The following ADAM19 variants were observed in gnomAD, a reference collection of about 807,000 sequenced individuals.
ADAM19 encodes the protein disintegrin and metalloproteinase domain-containing protein 19.
A neutral mutation model predicts 114.7 loss-of-function variants in ADAM19; 65 were observed. That is an observed-to-expected ratio of 0.57 (90% confidence interval 0.46 to 0.70). The LOEUF (loss-of-function observed/expected upper bound fraction) is 0.70. Among genes scored for constraint, ADAM19 ranks in the 30% least tolerant of loss-of-function variants. The probability of loss-of-function intolerance (pLI) is 0.00; values close to 1 mark genes in which losing one functional copy is unlikely to be tolerated. For missense variants in ADAM19, 1,063 were observed against 1,204.7 expected (o/e 0.88, Z 1.74); for synonymous variants, 466 against 460.5 (o/e 1.01, Z -0.15).
At position 157,489,156 on chromosome 5, in the gene ADAM19, C is replaced by T. The variant is rs952076381; in HGVS notation, c.2271G>A (p.Gly757=). ...TGAAAGTTGGGTTGGCATGACCAGT[C>T]CCGCTGTTCTGAGAAACCCTGAAGG... is the stretch of plus-strand genomic sequence containing the variant. ...SCPFRVSQNS[G]TGHANPTFKL... Residue 757 remains glycine (G), a synonymous_variant, in exon 20 of 23, where the codon GGG becomes GGA. Transcript: ENST00000257527. 1 of 1,614,088 alleles carries T rather than the reference C, an allele frequency of 6.2e-7. No homozygotes were observed. Among genetic ancestry groups the T allele is most frequent in the Non-Finnish European group, 8.5e-7 (1 of 1,179,952 alleles).
intron 2 of ADAM19, chr5:157,570,382 C>G (rs1757788577): frequency 6.6e-6 from 1 of 152,362 alleles, no homozygotes; most frequent in Admixed American, 6.5e-5. Flanking sequence ...TGTTTTCTTC[C>G]CAATCTCTTT....
Position 157,479,651 on chromosome 5 carries a change from G to A in ADAM19, c.*1298C>T. 2 of 986,010 alleles carry A rather than the reference G, an allele frequency of 2.0e-6. No individual in the cohort carries two copies. Among genetic ancestry groups the A allele is most frequent in the Non-Finnish European group, 2.4e-6 (2 of 830,084 alleles). 61.1% of individuals were successfully genotyped at this position (986,010 alleles called of 1,614,324 possible). A position where few individuals can be genotyped will look rare whatever the true frequency, so the allele number is the denominator to read the frequency against. On this transcript the variant is annotated 3_prime_UTR_variant, in exon 23 of 23. Coordinates refer to ENST00000257527, the MANE Select transcript of ADAM19 (RefSeq NM_033274.5). The stretch of plus-strand genomic sequence containing the variant: ...GAGGGTCAGGTAAGGGCAGTGACCA[G>A]AGAGAGAACAAAAGGAAGTGAATGA...
intron 3 of ADAM19, among the ~76,000 whole-genome samples, chr5:157,562,125 G>C (rs1757526042): frequency 6.6e-6 from 1 of 152,136 alleles, no homozygotes. Context: ...TGAATGAGAA[G>C]GCTTTGGGAA....
At chr5:157,547,289 G>A (rs2113774300) in intron 3 of ADAM19, among the ~76,000 whole-genome samples, 1 of 152,254 alleles carries the variant, frequency 6.6e-6, no homozygotes, top group East Asian at 1.9e-4. Flanking sequence ...AAAACTCCAG[G>A]GACAGACACC....
chr5:157,548,391 T>C (rs1757104490), intron 3 of ADAM19, among the ~76,000 whole-genome samples: 1 of 152,216 alleles, frequency 6.6e-6, no homozygotes, highest in Admixed American at 6.5e-5. Context: ...GCCTGCCACA[T>C]AGTTGGCACT....
chr5:157,500,908 C>T (rs1196505465), intron 12 of ADAM19, among the ~76,000 whole-genome samples: 1 of 152,188 alleles, frequency 6.6e-6, no homozygotes, highest in Non-Finnish European at 1.5e-5. Context: ...TATGAGGCAG[C>T]CTTGACCCCA....
At chr5:157,545,164 A>C (rs1474584295) in intron 3 of ADAM19, among the ~76,000 whole-genome samples, 1 of 152,232 alleles carries the variant, frequency 6.6e-6, no homozygotes, top group African/African-American at 2.4e-5. Flanking sequence ...TAGCATACTA[A>C]GACACAGACC....
chr5:157,571,079 T>C, intron 1 of ADAM19, 99 bp from the exon 2 acceptor site: 1 of 961,060 alleles, frequency 1.0e-6, no homozygotes, highest in Non-Finnish European at 1.6e-6. Context: ...ACTGGGTCAT[T>C]AGAAGACTTG....
chr5:157,532,903 C>T (rs1756664412), intron 4 of ADAM19, among the ~76,000 whole-genome samples: 1 of 152,224 alleles, frequency 6.6e-6, no homozygotes, highest in Non-Finnish European at 1.5e-5. Flanking sequence ...GTGTCTTTAG[C>T]CTCTGTACCC....
chr5:157,575,629 C>T lies in ADAM19; in HGVS notation c.68G>A (p.Arg23Gln). The change falls in exon 1 of 23, where the codon CGG becomes CAG. Residue 23 changes from arginine (R) to glutamine (Q), a missense_variant. Arg to Gln is a conservative substitution (Grantham distance 43). Transcript: ENST00000257527. ...TGTCCATCCAGGCTCCCGCGCCGCC[C>T]GCGGCCGGAGGGGCTGCAGGGCAAA... ...LAFALQPLRP[R>Q]AAREPGWTRG... is the part of the protein sequence containing the mutation. The T allele has an allele frequency of 1.4e-6, 2 of 1,442,492 alleles. No individual in the cohort carries two copies. The highest frequency in any genetic ancestry group is 1.8e-6 in the Non-Finnish European group (2 of 1,104,056). 89.4% of individuals were successfully genotyped at this position (1,442,492 alleles called of 1,614,324 possible).
intron 11 of ADAM19, among the ~76,000 whole-genome samples, chr5:157,504,301 A>T (rs1755666814): frequency 2.0e-5 from 3 of 152,158 alleles, no homozygotes; most frequent in Admixed American, 1.3e-4. Context: ...TGAAGGCTGG[A>T]GTGCAGTGGC....
At chr5:157,544,357 T>C (rs1756995613) in intron 3 of ADAM19, among the ~76,000 whole-genome samples, 1 of 152,126 alleles carries the variant, frequency 6.6e-6, no homozygotes, top group Non-Finnish European at 1.5e-5. Flanking sequence ...AAGTCAACAC[T>C]CCCTTTCACC....
intron 3 of ADAM19, among the ~76,000 whole-genome samples, chr5:157,538,229 G>T (rs1485787988): frequency 1.3e-5 from 2 of 152,090 alleles, no homozygotes; most frequent in Admixed American, 1.3e-4. Flanking sequence ...ACTCCAACTA[G>T]ATGGAATTGA....
rs763134049 is a variant in ADAM19, at chr5:157,489,120, C to G, written c.2307G>C (p.Thr769=). The change falls in exon 20 of 23, where the codon ACG becomes ACC. Residue 769 remains threonine (T), a synonymous_variant. Transcript: ENST00000257527. ...GHANPTFKLQ[T]PQGKRKVINT... ...CTCTTACCTTTCGCTTGCCCTGGGG[C>G]GTCTGCAGCTTGAAAGTTGGGTTGG... 1 of 1,613,974 alleles carries G rather than the reference C, an allele frequency of 6.2e-7. No homozygotes were observed. Among genetic ancestry groups the G allele is most frequent in the Non-Finnish European group, 8.5e-7 (1 of 1,179,940 alleles).
chr5:157,571,091 T>C (rs761064059), intron 1 of ADAM19, 111 bp from the exon 2 acceptor site: 27 of 861,588 alleles, frequency 3.1e-5, no homozygotes, highest in Non-Finnish European at 4.5e-5. Flanking sequence ...GAAGACTTGC[T>C]GGATTTCAGG....
intron 4 of ADAM19, among the ~76,000 whole-genome samples, chr5:157,532,423 A>C (rs1283711021): frequency 2.6e-5 from 4 of 152,234 alleles, no homozygotes; most frequent in Non-Finnish European, 4.4e-5. Flanking sequence ...TAGGAAGCAA[A>C]TACGCACTGT....
chr5:157,570,833 T>C, intron 2 of ADAM19, 62 bp downstream of exon 2: 1 of 1,408,620 alleles, frequency 7.1e-7, no homozygotes, highest in Non-Finnish European at 1.0e-6. Context: ...GAAAGTTGAG[T>C]AGGTAGCCCA....
intron 21 of ADAM19, among the ~76,000 whole-genome samples, chr5:157,486,643 CA>C (rs1197565597): frequency 6.6e-6 from 1 of 152,038 alleles, no homozygotes; most frequent in East Asian, 1.9e-4. Flanking sequence ...GTGGGTTTTT[CA>C]GAACAACAGT....
intron 3 of ADAM19, among the ~76,000 whole-genome samples, chr5:157,540,664 T>C (rs1287768563): frequency 1.3e-5 from 2 of 152,190 alleles, no homozygotes; most frequent in Non-Finnish European, 2.9e-5. Context: ...ATTCTGTGAA[T>C]GAGTGAATAA....
Sources: gnomAD v4.1 joint callset for allele counts (sites outside exome capture counted in the v4.1 genomes callset) on GRCh38, gnomAD v4.1.1 for gene constraint, MANE v1.5 for transcripts, NCBI Gene and HGNC (gene_info 2026-07-23, HGNC 2026-07-21) for gene names.